ZNF395: variants seen among roughly 807,000 people sequenced by gnomAD.
ZNF395 encodes the protein zinc finger protein 395.
ZNF395 carries 20 observed loss-of-function variants against 57.7 expected under a neutral mutation model. That is an observed-to-expected ratio of 0.35 (90% CI 0.24 to 0.50). The LOEUF (loss-of-function observed/expected upper bound fraction) is 0.50, where lower values mean the gene tolerates loss of function less well. Ranked by LOEUF, ZNF395 falls within the 20% of genes least tolerant of loss-of-function variation. ZNF395 has a pLI of 0.97. For synonymous variants in ZNF395, 295 were observed against 275.9 expected (o/e 1.07, Z -0.69); for missense variants, 606 against 671.2 (o/e 0.90, Z 1.07).
intron 2 of ZNF395, 59 bp downstream of exon 2, chr8:28,360,826 C>T: frequency 1.3e-6 from 2 of 1,589,472 alleles, no homozygotes; most frequent in East Asian, 2.2e-5. Flanking sequence ...TAGGGCACCC[C>T]AGCCCCCTAC....
At chr8:28,361,282 C>T (rs1385193353) in intron 1 of ZNF395, 100 bp from the exon 2 acceptor site, 3 of 983,354 alleles carry the variant, frequency 3.1e-6, no homozygotes, top group East Asian at 2.6e-5. Flanking sequence ...CTTCTAGCAT[C>T]CTTCCCTTTT....
In ZNF395 at chr8:28,359,114, C is replaced by T. The variant is rs1020455045; in HGVS notation, c.473+478G>A. 3.9e-5 allele frequency among the ~76,000 whole-genome samples: 6 copies of T among 152,144 alleles called. No homozygotes were observed. The highest frequency in any genetic ancestry group is 1.3e-4 in the Admixed American group (2 of 15,276). On this transcript the variant is annotated intron_variant, in intron 3 of 9. Transcript: ENST00000344423. This position sits in a 1 kb window ranked among gnomAD's most constrained non-coding sequence, Gnocchi z 4.7. ...GCTATGGAAAAGAAAAGACGCCACTCGGCCAGGCATGGTGGCTCAAACCTG... is the reference window on the plus strand; with the variant it reads ...GCTATGGAAAAGAAAAGACGCCACTTGGCCAGGCATGGTGGCTCAAACCTG...
chr8:28,349,136 C>G lies in ZNF395; in HGVS notation c.1419G>C (p.Gln473His). The G allele has an allele frequency of 6.4e-7, 1 of 1,566,774 alleles. No homozygotes were observed. Among genetic ancestry groups the G allele is most frequent in the Non-Finnish European group, 8.6e-7 (1 of 1,157,756 alleles). ...AGCGGACATCTCACCTGGCACCACT[C>G]TGGGCCCGGGGTGGAGAAGTGACGA... ...HLIVTSPPRA[Q>H]SGARKARGEA... The change falls in exon 9 of 10, where the codon CAG (glutamine) becomes CAC (histidine). Residue 473 changes from glutamine to histidine, a missense_variant. Physicochemically the swap from Gln to His is conservative, Grantham distance 24 (BLOSUM62 0). Transcript: ENST00000344423.
chr8:28,377,387 A>T (rs1215634505), intron 1 of ZNF395, among the ~76,000 whole-genome samples: 1 of 152,218 alleles, frequency 6.6e-6, no homozygotes, highest in Non-Finnish European at 1.5e-5. Context: ...CTGGCAACAG[A>T]GTAAGATCCT....
Position 28,348,653 on chromosome 8 carries a change from GAC to G in ZNF395, c.*64_*65del, listed in dbSNP as rs1362708119. The G allele has an allele frequency of 1.1e-5, 15 of 1,419,050 alleles. No homozygotes were observed. The highest frequency in any genetic ancestry group is 1.5e-5 in the Non-Finnish European group (15 of 1,003,206). The allele number at this position is 1,419,050 out of a possible 1,614,324, so 87.9% of individuals were successfully genotyped here. Reference sequence around the variant, plus strand: ...CTTTCGGTTTCTGCTGAGGGCTGGTGACACACTGGCCTCTTGTCAGTGGCTGC... The same window carrying G: ...CTTTCGGTTTCTGCTGAGGGCTGGTGACACTGGCCTCTTGTCAGTGGCTGC... On this transcript the variant is annotated 3_prime_UTR_variant, in exon 10 of 10. Transcript: ENST00000344423.
rs750790071 is a variant in ZNF395 at position 28,356,638 on chromosome 8, G to A, written c.583+32C>T. ...GATGTTTGTCGTGGGCCTCTACCAT[G>A]CCCAGAACCCAGCTGGGCCCCGCTT... On this transcript the variant is annotated intron_variant, in intron 4 of 9. Coordinates refer to ENST00000344423, the MANE Select transcript of ZNF395 (RefSeq NM_018660.3). This position sits in a 1 kb window ranked among gnomAD's most constrained non-coding sequence, Gnocchi z 4.0. The A allele has an allele frequency of 5.7e-6, 9 of 1,566,030 alleles. No homozygotes were observed. Among genetic ancestry groups the A allele is most frequent in the Middle Eastern group, 1.7e-4 (1 of 5,978 alleles).
Position 28,359,916 on chromosome 8 carries a change from G to T in ZNF395, c.241-92C>A. On this transcript the variant is annotated intron_variant, in intron 2 of 9. Transcript: ENST00000344423. The surrounding 1 kb of genome is among the most constrained non-coding windows in gnomAD (Gnocchi z 4.7). ...CCCCACGTCCCAGGAGCCAGGATCT[G>T]CCTGCCACAAACCATGTTCTCTGCC... The T allele has an allele frequency of 6.7e-7, 1 of 1,499,364 alleles. No homozygotes were observed. Among genetic ancestry groups the T allele is most frequent in the Non-Finnish European group, 8.9e-7 (1 of 1,119,724 alleles). 92.9% of individuals were successfully genotyped at this position (1,499,364 alleles called of 1,614,324 possible).
intron 1 of ZNF395, among the ~76,000 whole-genome samples, chr8:28,373,166 G>A (rs1253496155): frequency 2.0e-5 from 3 of 152,174 alleles, no homozygotes; most frequent in East Asian, 1.9e-4. Context: ...TTGAATGCAC[G>A]TAAAATCGTG....
At chr8:28,382,209 A>G (rs559699814) in intron 1 of ZNF395, among the ~76,000 whole-genome samples, 2 of 152,292 alleles carry the variant, frequency 1.3e-5, no homozygotes, top group South Asian at 4.2e-4. Flanking sequence ...TCAGCTTGAG[A>G]TGAACACCAG....
intron 1 of ZNF395, among the ~76,000 whole-genome samples, chr8:28,383,959 G>T (rs906742652): frequency 6.6e-6 from 1 of 152,134 alleles, no homozygotes; most frequent in Non-Finnish European, 1.5e-5. Context: ...AGGCCCTGGC[G>T]TTGAATCAAT....
chr8:28,358,531 A>T (rs1267457056), intron 3 of ZNF395, among the ~76,000 whole-genome samples: 2 of 151,440 alleles, frequency 1.3e-5, no homozygotes, highest in Non-Finnish European at 2.9e-5. Flanking sequence ...AACCACCTGG[A>T]CTCCAGCAAT....
chr8:28,368,419 G>A (rs531043340), intron 1 of ZNF395: 1 of 152,268 alleles, frequency 6.6e-6, no homozygotes, highest in East Asian at 1.9e-4. Flanking sequence ...CCCCATTTTA[G>A]AGCTGAGAAC....
rs1338828520 is a variant in ZNF395 at position 28,346,957 on chromosome 8, A to G, written c.*1762T>C. 6.9e-6 allele frequency: 1 copy of G among 144,996 alleles called. No individual in the cohort carries two copies. Among genetic ancestry groups the G allele is most frequent in the Non-Finnish European group, 1.5e-5 (1 of 66,038 alleles). 9.0% of individuals were successfully genotyped at this position (144,996 alleles called of 1,614,324 possible). A position where few individuals can be genotyped will look rare whatever the true frequency, so the allele number is the denominator to read the frequency against. On this transcript the variant is annotated 3_prime_UTR_variant, in exon 10 of 10. Transcript: ENST00000344423. Reference sequence around the variant, plus strand: ...ATTCCACATACATTTTTTTTTTTTTACTAAGTTATAAAAAAAAAAACCCCA... The same window carrying G: ...ATTCCACATACATTTTTTTTTTTTTGCTAAGTTATAAAAAAAAAAACCCCA...
At chr8:28,385,800 G>A (rs1262193680) in intron 1 of ZNF395, among the ~76,000 whole-genome samples, 1 of 148,046 alleles carries the variant, frequency 6.8e-6, no homozygotes, top group East Asian at 1.9e-4. Flanking sequence ...AGGTAAACAA[G>A]GCGACGCGCG....
rs573733921 is a variant in ZNF395 at position 28,361,240 on chromosome 8, T to G, written c.-58-58A>C. On this transcript the variant is annotated intron_variant, in intron 1 of 9. Coordinates refer to ENST00000344423, the MANE Select transcript of ZNF395 (RefSeq NM_018660.3). ...CCCACACAGCAGGAGCCAGGAAGGG[T>G]CTACTAAAATAAGTGAACCCTTTAA... is the stretch of plus-strand genomic sequence containing the variant. The G allele has an allele frequency of 1.0e-5, 15 of 1,449,114 alleles. No individual in the cohort carries two copies. The East Asian group carries it at 3.2e-4, about 31-fold the overall frequency. The allele number at this position is 1,449,114 out of a possible 1,614,324, so 89.8% of individuals were successfully genotyped here.
At chr8:28,374,262 TA>T (rs1337293489) in intron 1 of ZNF395, among the ~76,000 whole-genome samples, 1 of 152,146 alleles carries the variant, frequency 6.6e-6, no homozygotes, top group Non-Finnish European at 1.5e-5. Flanking sequence ...CCAATGCACT[TA>T]ACTTTTTGTA....
chr8:28,358,134 GT>G (rs958196652), intron 3 of ZNF395, among the ~76,000 whole-genome samples: 11 of 141,564 alleles, frequency 7.8e-5, no homozygotes, highest in South Asian at 2.3e-4. Context: ...TGTTTTGTGG[GT>G]TTTTTTCTTT....
intron 2 of ZNF395, among the ~76,000 whole-genome samples, chr8:28,360,088 A>T (rs535269446): frequency 6.6e-6 from 1 of 152,214 alleles, no homozygotes; most frequent in African/African-American, 2.4e-5. Context: ...ACTTTCTCTG[A>T]ATCTAGAATC....
In ZNF395 at chr8:28,352,658, T is replaced by C. The variant is rs988418644; in HGVS notation, c.835A>G (p.Met279Val). The C allele has an allele frequency of 1.2e-6, 2 of 1,614,064 alleles. No individual in the cohort carries two copies. The highest frequency in any genetic ancestry group is 3.3e-5 in the Admixed American group (2 of 60,022). Residue 279 changes from methionine (M) to valine (V), a missense_variant, in exon 6 of 10, where the codon ATG becomes GTG. By Grantham distance (21) the Met-to-Val change is conservative (BLOSUM62 1). Transcript: ENST00000344423. The surrounding 1 kb of genome is among the most constrained non-coding windows in gnomAD (Gnocchi z 4.0). Reference protein sequence around the residue: ...PRKRKNSVKVMYKCLWPNCGK... With the variant: ...PRKRKNSVKVVYKCLWPNCGK... ...CAGTTTGGCCACAGGCACTTGTACA[T>C]CACCTTCACAGAGTTCTACAGGAAA...
Sources: gnomAD v4.1 joint callset for allele counts (sites outside exome capture counted in the v4.1 genomes callset) on GRCh38, gnomAD v4.1.1 for gene constraint, Gnocchi (gnomAD v3.1) non-coding constraint, MANE v1.5 for transcripts, NCBI Gene and HGNC (gene_info 2026-07-23, HGNC 2026-07-21) for gene names.